The following VPS13D variants were observed in gnomAD, a reference collection of about 807,000 sequenced individuals.
The protein encoded by VPS13D is intermembrane lipid transfer protein VPS13D.
A neutral mutation model predicts 461.9 loss-of-function variants in VPS13D; 187 were observed. The ratio of observed to expected loss-of-function variants is 0.40; its 90% CI spans 0.36 to 0.46. The LOEUF (loss-of-function observed/expected upper bound fraction) is 0.46, where lower values mean the gene tolerates loss of function less well. Among genes scored for constraint, VPS13D ranks in the 20% least tolerant of loss-of-function variants. The pLI is 0.60. For missense variants in VPS13D, 4,711 were observed against 5,364.9 expected (o/e 0.88, Z 3.81); for synonymous variants, 1,951 against 1,986.3 (o/e 0.98, Z 0.47).
chr1:12,354,989 CCAGGGATGCCTCGTGGT>C (rs1432074024), intron 47 of VPS13D, among the ~76,000 whole-genome samples: 2 of 152,164 alleles, frequency 1.3e-5, no homozygotes, highest in East Asian at 3.8e-4. Flanking sequence ...CAGAGAGACT[CCAGGGATGCCTCGTGGT>C]CAGAACAAAT....
At chr1:12,347,376 T>G (rs566992331) in intron 44 of VPS13D, among the ~76,000 whole-genome samples, 95 of 152,312 alleles carry the variant, frequency 6.2e-4, no homozygotes, top group African/African-American at 2.2e-3. Context: ...TTCACCGTGT[T>G]AGCCAGGATG....
chr1:12,381,902 TTTTC>T (rs1644277166), intron 57 of VPS13D, among the ~76,000 whole-genome samples: 1 of 105,814 alleles, frequency 9.5e-6, no homozygotes, highest in Admixed American at 1.1e-4. Context: ...GTCTGTCTTT[TTTTC>T]TTTTTCTTTC....
At chr1:12,388,438 G>T (rs1376914474) in intron 60 of VPS13D, among the ~76,000 whole-genome samples, 1 of 152,058 alleles carries the variant, frequency 6.6e-6, no homozygotes, top group African/African-American at 2.4e-5. Context: ...GCCAGGTGTG[G>T]TGGCACACAC....
chr1:12,333,003 C>T (rs946956491), intron 37 of VPS13D, among the ~76,000 whole-genome samples: 2 of 152,172 alleles, frequency 1.3e-5, no homozygotes, highest in Non-Finnish European at 2.9e-5. Context: ...GGAAGACCAT[C>T]GTGGGGGTAC....
intron 67 of VPS13D, among the ~76,000 whole-genome samples, chr1:12,466,664 G>A (rs781003591): frequency 3.3e-4 from 50 of 151,780 alleles, no homozygotes; most frequent in Non-Finnish European, 5.3e-4. Context: ...CATCCATATA[G>A]AGGCATGTAT....
rs145655445 is a variant in VPS13D, at chr1:12,298,194, C to T, written c.6034-1008C>T. On this transcript the variant is annotated intron_variant, in intron 24 of 69. Transcript: ENST00000620676. ...TATTCCCATTTTATAGATAAGGAAACGGAGGCACAGAGACTTTAACGACTT... is the reference window on the plus strand; with the variant it reads ...TATTCCCATTTTATAGATAAGGAAATGGAGGCACAGAGACTTTAACGACTT... 4.5e-3 allele frequency among the ~76,000 whole-genome samples: 679 copies of T among 152,156 alleles called. 3 individuals carry two copies. The highest frequency in any genetic ancestry group is 0.015 in the African/African-American group (639 of 41,488).
At chr1:12,313,087 C>G (rs555632126) in intron 29 of VPS13D, among the ~76,000 whole-genome samples, 10 of 152,140 alleles carry the variant, frequency 6.6e-5, no homozygotes, top group African/African-American at 2.4e-4. Context: ...GAGTTTCTGA[C>G]TAGCTTAAGG....
intron 64 of VPS13D, 59 bp from the exon 65 acceptor site, chr1:12,416,601 G>T: frequency 6.5e-7 from 1 of 1,541,320 alleles, no homozygotes; most frequent in Non-Finnish European, 8.8e-7. Flanking sequence ...TGGGACACTG[G>T]TATCTGCAAA....
intron 12 of VPS13D, among the ~76,000 whole-genome samples, chr1:12,261,556 G>A (rs776726826): frequency 1.3e-5 from 2 of 152,214 alleles, no homozygotes; most frequent in African/African-American, 4.8e-5. Context: ...CATTAGCCAC[G>A]TGTGCTCCCA....
In VPS13D at chr1:12,456,179, G is replaced by A. The variant is rs757626692; in HGVS notation, c.12466+49G>A. The A allele has an allele frequency of 9.6e-6, 15 of 1,564,430 alleles. No individual in the cohort carries two copies. The South Asian group carries it at 1.2e-4, about 13-fold the overall frequency. On this transcript the variant is annotated intron_variant, in intron 66 of 69. Transcript: ENST00000620676. Reference sequence around the variant, plus strand: ...TCTGCTGCTGCTGGTCCTCAGAGGCGCCTTTGTATCAATCTGATTGCAGCT... The same window carrying A: ...TCTGCTGCTGCTGGTCCTCAGAGGCACCTTTGTATCAATCTGATTGCAGCT...
Position 12,267,842 on chromosome 1 carries a change from T to C in VPS13D, c.1726-3T>C. 1 of 1,614,050 alleles carries C rather than the reference T, an allele frequency of 6.2e-7. No homozygotes were observed. Among genetic ancestry groups the C allele is most frequent in the Non-Finnish European group, 8.5e-7 (1 of 1,179,926 alleles). On this transcript the variant is annotated splice_region_variant and splice_polypyrimidine_tract_variant and intron_variant, in intron 14 of 69. Transcript: ENST00000620676. ...TACGCATTTTTGTGTGTTTGTTTAATAGCAAAAAGAAGTTGGCAGAGTCTC... is the reference window on the plus strand; with the variant it reads ...TACGCATTTTTGTGTGTTTGTTTAACAGCAAAAAGAAGTTGGCAGAGTCTC...
At chr1:12,487,117 C>G (rs1250491803) in intron 67 of VPS13D, among the ~76,000 whole-genome samples, 1 of 152,104 alleles carries the variant, frequency 6.6e-6, no homozygotes, top group African/African-American at 2.4e-5. Context: ...GAAACAGATT[C>G]TCTTTAAAAA....
intron 41 of VPS13D, among the ~76,000 whole-genome samples, chr1:12,342,220 G>A (rs1643585490): frequency 6.6e-6 from 1 of 152,092 alleles, no homozygotes; most frequent in Non-Finnish European, 1.5e-5. Context: ...AGCTATGTGT[G>A]GTTATCACAC....
intron 33 of VPS13D, 125 bp from the exon 34 acceptor site, chr1:12,322,411 A>G: frequency 1.1e-6 from 1 of 920,612 alleles, no homozygotes; most frequent in Admixed American, 2.6e-5. Context: ...AATCTTTTAA[A>G]TGAGAAATTT....
chr1:12,297,123 A>T (rs1374103564), intron 24 of VPS13D, among the ~76,000 whole-genome samples: 1 of 152,180 alleles, frequency 6.6e-6, no homozygotes, highest in Non-Finnish European at 1.5e-5. Flanking sequence ...TAAGATTAAG[A>T]GGCTATTTTG....
intron 20 of VPS13D, 91 bp from the exon 21 acceptor site, chr1:12,282,614 G>C (rs1038781926): frequency 8.1e-7 from 1 of 1,227,892 alleles, no homozygotes; most frequent in Non-Finnish European, 1.2e-6. Context: ...GCCTCATGTA[G>C]GAATCATGTG....
chr1:12,339,563 A>T (rs1253746123), intron 40 of VPS13D, among the ~76,000 whole-genome samples: 1 of 152,102 alleles, frequency 6.6e-6, no homozygotes, highest in Admixed American at 6.5e-5. Flanking sequence ...CTAGGGGCAG[A>T]TTTTCTGAGG....
At chr1:12,262,595 A>T (rs1641144804) in intron 13 of VPS13D, among the ~76,000 whole-genome samples, 2 of 152,242 alleles carry the variant, frequency 1.3e-5, no homozygotes, top group South Asian at 4.1e-4. Context: ...GATTTTGCCT[A>T]CCTTTAGGCT....
At chr1:12,295,503 C>T (rs1260321058) in intron 24 of VPS13D, among the ~76,000 whole-genome samples, 1 of 152,024 alleles carries the variant, frequency 6.6e-6, no homozygotes, top group Non-Finnish European at 1.5e-5. Context: ...AAAAAATATA[C>T]AAGTAGCATA....
Sources: gnomAD v4.1 joint callset for allele counts (sites outside exome capture counted in the v4.1 genomes callset) on GRCh38, gnomAD v4.1.1 for gene constraint, MANE v1.5 for transcripts, NCBI Gene and HGNC (gene_info 2026-07-23, HGNC 2026-07-21) for gene names.